Variants in ASB3 observed in about 807,000 individuals in gnomAD.
ASB3 encodes the protein ankyrin repeat and SOCS box containing 3.
ASB3 carries 41 observed loss-of-function variants against 54.5 expected under a neutral mutation model. That is an observed-to-expected ratio of 0.75 (90% CI 0.59 to 0.98). ASB3 has a LOEUF of 0.98. Among genes scored for constraint, ASB3 ranks in the 50% least tolerant of loss-of-function variants. ASB3 has a pLI of 0.00. For synonymous variants in ASB3, 266 were observed against 221.2 expected, an observed-to-expected ratio of 1.20 and a Z score of -1.80; for missense variants, 733 against 620.0, an observed-to-expected ratio of 1.18 and a Z score of -1.94.
intron 4 of ASB3, among the ~76,000 whole-genome samples, chr2:53,729,243 A>T (rs1671169805): frequency 6.6e-6 from 1 of 152,170 alleles, no homozygotes; most frequent in South Asian, 2.1e-4. Flanking sequence ...CTACATTTTT[A>T]AAATGTAGAT....
intron 9 of ASB3, among the ~76,000 whole-genome samples, chr2:53,682,312 G>A (rs1668418206): frequency 6.6e-6 from 1 of 152,150 alleles, no homozygotes; most frequent in African/African-American, 2.4e-5. Flanking sequence ...AACACAGAAT[G>A]TATTTCCTCT....
chr2:53,681,936 G>A (rs191305415), intron 9 of ASB3, among the ~76,000 whole-genome samples: 2 of 152,074 alleles, frequency 1.3e-5, no homozygotes, highest in Non-Finnish European at 2.9e-5. Context: ...GAGGTGGGTG[G>A]ATCACAAAGT....
At chr2:53,689,015 T>C (rs554157960) in intron 9 of ASB3, among the ~76,000 whole-genome samples, 1 of 152,290 alleles carries the variant, frequency 6.6e-6, no homozygotes, top group African/African-American at 2.4e-5. Context: ...CTAAAATAAA[T>C]TGATCTAAAT....
At chr2:53,696,343 A>G (rs1425249993) in intron 8 of ASB3, among the ~76,000 whole-genome samples, 1 of 152,106 alleles carries the variant, frequency 6.6e-6, no homozygotes, top group East Asian at 1.9e-4. Context: ...CACACACCCA[A>G]TGGCTTATTG....
At chr2:53,681,190 T>C (rs1668351412) in intron 9 of ASB3, among the ~76,000 whole-genome samples, 1 of 152,206 alleles carries the variant, frequency 6.6e-6, no homozygotes, top group Non-Finnish European at 1.5e-5. Flanking sequence ...GCAATAAACA[T>C]TTTCTCTTCA....
Position 53,771,711 on chromosome 2 carries a change from G to T in ASB3, c.-13-6126C>A, listed in dbSNP as rs117353814. On this transcript the variant is annotated intron_variant, in intron 1 of 9. Transcript: ENST00000263634. ...AAATTGATGGAAATCTTTTAGAAAG[G>T]CCAACACAGTCTCTAGATAAGGTAG... Among the ~76,000 whole-genome samples the T allele has an allele frequency of 1.8e-3, 278 of 152,062 alleles. 7 individuals carry two copies. The East Asian group carries it at 0.049, about 27-fold the overall frequency.
At chr2:53,688,621 G>T (rs1013433323) in intron 9 of ASB3, among the ~76,000 whole-genome samples, 1 of 152,178 alleles carries the variant, frequency 6.6e-6, no homozygotes, top group Non-Finnish European at 1.5e-5. Context: ...CCAAAGCTCA[G>T]GGATATAAGT....
chr2:53,726,427 AT>A (rs1374487544), intron 5 of ASB3, among the ~76,000 whole-genome samples: 1 of 150,614 alleles, frequency 6.6e-6, no homozygotes, highest in South Asian at 2.1e-4. Context: ...TGCCTGGCTA[AT>A]TTTTTGTATT....
intron 6 of ASB3, 131 bp downstream of exon 6, chr2:53,716,435 T>A: frequency 8.7e-7 from 1 of 1,153,792 alleles, no homozygotes; most frequent in Non-Finnish European, 1.2e-6. Flanking sequence ...GGGGTAGATC[T>A]GTTCACCCAG....
chr2:53,670,362 C>A lies in ASB3; in HGVS notation c.*141G>T. 3.8e-6 allele frequency: 2 copies of A among 526,836 alleles called. No homozygotes were observed. Among genetic ancestry groups the A allele is most frequent in the Non-Finnish European group, 2.8e-6 (1 of 352,432 alleles). The allele number at this position is 526,836 out of a possible 1,614,324, so 32.6% of individuals were successfully genotyped here. A position where few individuals can be genotyped will look rare whatever the true frequency, so the allele number is the denominator to read the frequency against. ...AAACATAAACATTCTCACTGAACTA[C>A]TGGCCCCCCAAAACCTAACCTATCT... is the stretch of plus-strand genomic sequence containing the variant. On this transcript the variant is annotated 3_prime_UTR_variant, in exon 10 of 10. Coordinates refer to ENST00000263634, the MANE Select transcript of ASB3 (RefSeq NM_016115.5).
intron 3 of ASB3, among the ~76,000 whole-genome samples, chr2:53,747,869 G>A (rs2103994010): frequency 6.6e-6 from 1 of 152,308 alleles, no homozygotes; most frequent in South Asian, 2.1e-4. Flanking sequence ...CATATGTAAT[G>A]TCTTCATGTT....
At chr2:53,685,202 A>C (rs3770412) in intron 9 of ASB3, among the ~76,000 whole-genome samples, 19,148 of 152,224 alleles carry the variant, frequency 0.13, 1,199 homozygotes, top group East Asian at 0.19. Context: ...TGATTTTCAG[A>C]ATAATAGAGG....
intron 5 of ASB3, among the ~76,000 whole-genome samples, chr2:53,722,969 G>A (rs888367659): frequency 1.3e-5 from 2 of 152,062 alleles, no homozygotes; most frequent in Non-Finnish European, 2.9e-5. Flanking sequence ...GGCTCCTGAA[G>A]CTGATAAACA....
At chr2:53,785,887 A>C (rs1443347654) in intron 1 of ASB3, among the ~76,000 whole-genome samples, 1 of 152,242 alleles carries the variant, frequency 6.6e-6, no homozygotes, top group Non-Finnish European at 1.5e-5. Context: ...GGATCACATT[A>C]AGCATTAATA....
At chr2:53,677,406 TAACA>T (rs1257648950) in intron 9 of ASB3, among the ~76,000 whole-genome samples, 2 of 152,216 alleles carry the variant, frequency 1.3e-5, no homozygotes, top group African/African-American at 2.4e-5. Context: ...AAGAGAATCT[TAACA>T]AATACCCTAA....
intron 7 of ASB3, among the ~76,000 whole-genome samples, chr2:53,713,012 T>A (rs1000634733): frequency 6.6e-6 from 1 of 152,124 alleles, no homozygotes; most frequent in African/African-American, 2.4e-5. Context: ...GATACTCAGA[T>A]TAACCAAAAC....
chr2:53,735,868 G>A (rs768565863), intron 3 of ASB3, among the ~76,000 whole-genome samples: 1 of 151,956 alleles, frequency 6.6e-6, no homozygotes, highest in Non-Finnish European at 1.5e-5. Context: ...TATGACAAAG[G>A]TGACAATGGT....
At chr2:53,751,551 C>CA (rs1389032161) in intron 2 of ASB3, among the ~76,000 whole-genome samples, 1 of 152,030 alleles carries the variant, frequency 6.6e-6, no homozygotes, top group East Asian at 1.9e-4. Context: ...CGTCAAGGTT[C>CA]TGGTAACACT....
intron 3 of ASB3, among the ~76,000 whole-genome samples, chr2:53,731,622 T>C (rs1021617464): frequency 6.6e-6 from 1 of 152,152 alleles, no homozygotes; most frequent in African/African-American, 2.4e-5. Context: ...AGGTACCACA[T>C]AAATATATAC....
Sources: allele counts gnomAD v4.1 joint callset (sites outside exome capture counted in the v4.1 genomes callset), GRCh38; gene constraint gnomAD v4.1.1; transcripts MANE v1.5; gene names NCBI Gene and HGNC (gene_info 2026-07-23, HGNC 2026-07-21).